TMEM43: variants seen among roughly 807,000 people sequenced by gnomAD.
TMEM43 encodes the protein transmembrane protein 43, also known as arrhythmogenic right ventricular dysplasia 5.
TMEM43 carries 45 observed loss-of-function variants against 49.6 expected under a neutral mutation model. The observed-to-expected ratio is 0.91, with a 90% CI of 0.71 to 1.16. TMEM43 has a LOEUF of 1.16. TMEM43 is among the 50% of genes most tolerant of loss of function. The pLI is 0.00. For synonymous variants in TMEM43, 199 were observed against 207.8 expected (o/e 0.96, Z 0.36); for missense variants, 532 against 516.6 (o/e 1.03, Z -0.29).
At chr3:14,135,945 A>G (rs1363414137) in intron 10 of TMEM43, 37 bp downstream of exon 10, 8 of 1,543,152 alleles carry the variant, frequency 5.2e-6, no homozygotes, top group Non-Finnish European at 6.3e-6. Context: ...TGGAGGAACA[A>G]GCATGTCCTT....
At position 14,141,911 on chromosome 3, in the gene TMEM43, C is replaced by A; in HGVS notation, c.*116C>A. 2 of 967,716 alleles carry A rather than the reference C, an allele frequency of 2.1e-6. No homozygotes were observed. The highest frequency in any genetic ancestry group is 1.5e-6 in the Non-Finnish European group (1 of 656,240). 59.9% of individuals were successfully genotyped at this position (967,716 alleles called of 1,614,324 possible). On this transcript the variant is annotated 3_prime_UTR_variant, in exon 12 of 12. Coordinates refer to ENST00000306077, the MANE Select transcript of TMEM43 (RefSeq NM_024334.3). ...CCCGGTCAATTTTGGACTCTGCACT[C>A]CCTCTCCTCTTCAGGGGCCAGACTT...
intron 10 of TMEM43, among the ~76,000 whole-genome samples, chr3:14,137,518 C>T (rs1251347292): frequency 6.6e-6 from 1 of 152,202 alleles, no homozygotes; most frequent in Non-Finnish European, 1.5e-5. Flanking sequence ...TTCCCCCAGC[C>T]CAGCCCCCAC....
rs192235215 is a variant in TMEM43 at position 14,125,221 on chromosome 3, C to T, written c.12+16C>T. On this transcript the variant is annotated intron_variant, in intron 1 of 11. Transcript: ENST00000306077. The stretch of plus-strand genomic sequence containing the variant: ...GGCCGCGAATGTGAGTATCCCCGGG[C>T]CAGCCGGGCCACACCCAGGCTTCCC... 9 of 1,604,822 alleles carry T rather than the reference C, an allele frequency of 5.6e-6. No homozygotes were observed. In the East Asian group the frequency reaches 1.3e-4, roughly 24 times the overall value.
chr3:14,131,181 T>A (rs555619865), intron 3 of TMEM43, among the ~76,000 whole-genome samples: 1 of 152,176 alleles, frequency 6.6e-6, no homozygotes, highest in Non-Finnish European at 1.5e-5. Flanking sequence ...CCTTGAGGAT[T>A]TGGTGAGATT....
intron 1 of TMEM43, among the ~76,000 whole-genome samples, chr3:14,126,827 AAGAT>A (rs1174952849): frequency 6.6e-6 from 1 of 152,216 alleles, no homozygotes. Context: ...GGTGAGGAAG[AAGAT>A]AGCGGGATGG....
chr3:14,139,200 A>G lies in TMEM43; in HGVS notation c.903A>G (p.Leu301=). Residue 301 remains leucine, a synonymous_variant, in exon 11 of 12, where the codon CTA becomes CTG. Coordinates refer to ENST00000306077, the MANE Select transcript of TMEM43 (RefSeq NM_024334.3). ...FSAEEVFHRE[L]RSNSMKTWGL... Reference sequence around the variant, plus strand: ...TGCAGGAGGTGTTTCATAGAGAACTAAGGAGCAACTCCATGAAGACCTGGG... The same window carrying G: ...TGCAGGAGGTGTTTCATAGAGAACTGAGGAGCAACTCCATGAAGACCTGGG... 6.2e-7 allele frequency: 1 copy of G among 1,613,966 alleles called. No homozygotes were observed. The highest frequency in any genetic ancestry group is 8.5e-7 in the Non-Finnish European group (1 of 1,179,812).
At chr3:14,125,397 C>T (rs879766030) in intron 1 of TMEM43, among the ~76,000 whole-genome samples, 192 bp downstream of exon 1, 1 of 152,346 alleles carries the variant, frequency 6.6e-6, no homozygotes, top group South Asian at 2.1e-4. Context: ...GTCCAGGCTT[C>T]TTTTGTCCGT....
chr3:14,125,287 T>A, intron 1 of TMEM43, 82 bp downstream of exon 1: 4 of 1,520,028 alleles, frequency 2.6e-6, no homozygotes, highest in Non-Finnish European at 3.6e-6. Flanking sequence ...CTAGGTCCAT[T>A]TCGCCGCCTG....
chr3:14,139,050 C>G, intron 10 of TMEM43, 130 bp from the exon 11 acceptor site: 1 of 742,486 alleles, frequency 1.3e-6, no homozygotes, highest in Non-Finnish European at 2.4e-6. Flanking sequence ...AGGCTTGCCC[C>G]CACTCCGTCT....
intron 10 of TMEM43, chr3:14,137,795 GT>G (rs1695189297): frequency 6.6e-6 from 1 of 152,232 alleles, no homozygotes; most frequent in Non-Finnish European, 1.5e-5. Flanking sequence ...TCCCTAACTG[GT>G]TTGGTCATTG....
intron 10 of TMEM43, 51 bp from the exon 11 acceptor site, chr3:14,139,129 G>A (rs1574941080): frequency 1.5e-6 from 2 of 1,358,310 alleles, no homozygotes; most frequent in Non-Finnish European, 1.1e-6. Flanking sequence ...CTGCCGACTG[G>A]GTACGCCACT....
intron 1 of TMEM43, among the ~76,000 whole-genome samples, chr3:14,126,614 A>G (rs1335924139): frequency 2.0e-5 from 3 of 152,208 alleles, no homozygotes; most frequent in African/African-American, 7.2e-5. Context: ...ACAGTGCCTG[A>G]TGTGTGGTAG....
chr3:14,140,227 T>G (rs959300764), intron 11 of TMEM43, among the ~76,000 whole-genome samples: 1 of 152,220 alleles, frequency 6.6e-6, no homozygotes, highest in Non-Finnish European at 1.5e-5. Flanking sequence ...AGTGACGTGG[T>G]GGGCACATTA....
At chr3:14,135,990 T>A in intron 10 of TMEM43, 82 bp downstream of exon 10, 1 of 1,189,098 alleles carries the variant, frequency 8.4e-7, no homozygotes, top group Non-Finnish European at 1.3e-6. Flanking sequence ...AAGATCACAC[T>A]ACCAGGGGTC....
chr3:14,133,718 A>G (rs751281068), intron 6 of TMEM43, 21 bp from the exon 7 acceptor site: 3 of 1,613,566 alleles, frequency 1.9e-6, no homozygotes, highest in South Asian at 1.1e-5. Flanking sequence ...CCCATCTCTG[A>G]CAGCTTCCTC....
chr3:14,125,260 C>T (rs1695002334), intron 1 of TMEM43, 55 bp downstream of exon 1: 4 of 1,570,944 alleles, frequency 2.5e-6, no homozygotes, highest in East Asian at 2.3e-5. Context: ...CGCCCTGGGG[C>T]TTTTCCCCGG....
chr3:14,136,587 A>G (rs1376457260), intron 10 of TMEM43, among the ~76,000 whole-genome samples: 3 of 152,186 alleles, frequency 2.0e-5, no homozygotes, highest in African/African-American at 4.8e-5. Flanking sequence ...TAACCCTAGA[A>G]GAATCAGTGA....
intron 10 of TMEM43, among the ~76,000 whole-genome samples, chr3:14,136,936 G>A (rs1695178046): frequency 6.7e-6 from 1 of 149,412 alleles, no homozygotes; most frequent in African/African-American, 2.5e-5. Context: ...CAGAAGAATT[G>A]AGTCTTTAGT....
chr3:14,132,821 T>G, intron 5 of TMEM43, 45 bp from the exon 6 acceptor site: 1 of 1,590,442 alleles, frequency 6.3e-7, no homozygotes, highest in South Asian at 1.1e-5. Flanking sequence ...CTCAGCCGCG[T>G]GCCACTCCTA....
Sources: allele counts gnomAD v4.1 joint callset (sites outside exome capture counted in the v4.1 genomes callset), GRCh38; gene constraint gnomAD v4.1.1; transcripts MANE v1.5; gene names NCBI Gene and HGNC (gene_info 2026-07-23, HGNC 2026-07-21).